ZNF273: variants seen among roughly 807,000 people sequenced by gnomAD.
ZNF273 encodes zinc finger protein 273.
Under a neutral mutation model 14.9 loss-of-function variants are expected in ZNF273, and 11 were observed. That is an observed-to-expected ratio of 0.74 (90% CI 0.46 to 1.22). ZNF273 has a LOEUF of 1.22. Ranked by LOEUF, ZNF273 falls within the 50% of genes most tolerant of loss-of-function variation. The pLI, the probability that ZNF273 is intolerant of heterozygous loss-of-function variation, is 0.00. For synonymous variants in ZNF273, 199 were observed against 223.9 expected (o/e 0.89, Z 0.99); for missense variants, 577 against 660.6 (o/e 0.87, Z 1.39).
At chr7:64,889,623 G>C (rs771637702), downstream of ZNF273, 1 of 985,964 alleles carries the variant, frequency 1.0e-6, no homozygotes, top group Admixed American at 6.2e-5. The surrounding 1 kb of genome is among the most constrained non-coding windows in gnomAD (Gnocchi z 4.2). Flanking sequence ...GGAAAGCAGC[G>C]GGGCTGCTGC....
chr7:64,912,569 T>G (rs1793598224), intron 1 of ZNF273, among the ~76,000 whole-genome samples: 1 of 152,114 alleles, frequency 6.6e-6, no homozygotes, highest in African/African-American at 2.4e-5. Context: ...CTGAATCCAG[T>G]TATCTACTGA....
At chr7:64,918,659 CAAAAAAAAAAAAAAAAAA>C (rs1171857179) in intron 3 of ZNF273, among the ~76,000 whole-genome samples, 3 of 80,042 alleles carry the variant, frequency 3.7e-5, no homozygotes, top group South Asian at 5.7e-4. Context: ...GACTCCATCT[CAAAAAAAAAAAAAAAAAA>C]AAAAAAAAAA....
rs1794859621 is a variant in ZNF273, at chr7:64,928,236, C to T, written c.908C>T (p.Ser303Leu). 1 of 1,613,138 alleles carries T rather than the reference C, an allele frequency of 6.2e-7. No individual in the cohort carries two copies. ...TGTGGCAAAGTCTTTAGTGTATTTT[C>T]AGTCCTTACTAAACATAAGATAATT... The part of the protein sequence containing the change: ...EDCGKVFSVF[S>L]VLTKHKIIHT... Residue 303 changes from serine (S) to leucine (L), a missense_variant, in exon 4 of 4, where the codon TCA (serine) becomes TTA (leucine). Ser to Leu is a moderately radical substitution (Grantham distance 145). Coordinates refer to ENST00000476120, the MANE Select transcript of ZNF273 (RefSeq NM_021148.3).
chr7:64,920,884 GC>G (rs1357821679), intron 3 of ZNF273, among the ~76,000 whole-genome samples: 150 of 138,694 alleles, frequency 1.1e-3, no homozygotes, highest in East Asian at 2.2e-3. Context: ...GAGCCATGAT[GC>G]CTGATTCTCT....
chr7:64,887,797 CT>C lies in ZNF273; in HGVS notation n.274-761del, dbSNP rs779641845. On this transcript the variant is annotated intron_variant and non_coding_transcript_variant, in intron 1 of 1. Transcript: ENST00000471926. ...ACAAGCATGAGCCACCGTGCCCTGT[CT>C]TTTTTTTTTTTTTTCTTAATAGTTC... Among the ~76,000 whole-genome samples, 234 of 143,496 alleles carry C rather than the reference CT, an allele frequency of 1.6e-3. 1 individual carries two copies. The highest frequency in any genetic ancestry group is 4.7e-3 in the South Asian group (21 of 4,506). The allele number at this position is 143,496 out of a possible 152,430, so 94.1% of individuals were successfully genotyped here.
At chr7:64,897,944 G>A (rs571628619) in exon 4 of ZNF273, 2 of 151,250 alleles carry the variant, frequency 1.3e-5, no homozygotes, top group Admixed American at 1.3e-4. Flanking sequence ...AGCCAGGATG[G>A]TCTCGATCTC....
chr7:64,887,646 C>T (rs1049109217), intron 1 of ZNF273, among the ~76,000 whole-genome samples: 17 of 138,758 alleles, frequency 1.2e-4, no homozygotes, highest in Non-Finnish European at 2.0e-4. Flanking sequence ...TACAGGCGCC[C>T]GCCACTACAT....
intron 1 of ZNF273, chr7:64,888,320 G>A (rs1791734094): frequency 1.2e-5 from 12 of 985,378 alleles, no homozygotes; most frequent in Non-Finnish European, 1.4e-5. Flanking sequence ...CGCACAGGCT[G>A]CTCAACACCT....
upstream of ZNF273, among the ~76,000 whole-genome samples, chr7:64,899,666 G>GA (rs953875756): frequency 6.7e-6 from 1 of 149,740 alleles, no homozygotes; most frequent in African/African-American, 2.4e-5. Flanking sequence ...AAAAAAAAAA[G>GA]AAAAAATATT....
At chr7:64,907,170 G>T (rs1043304684) in intron 1 of ZNF273, among the ~76,000 whole-genome samples, 6 of 152,078 alleles carry the variant, frequency 3.9e-5, no homozygotes, top group Non-Finnish European at 8.8e-5. Context: ...TTGTTTGTTT[G>T]TTGTTTGTTT....
chr7:64,931,111 G>A (rs1794982978), downstream of ZNF273: 1 of 152,076 alleles, frequency 6.6e-6, no homozygotes, highest in African/African-American at 2.4e-5. Flanking sequence ...TAAATCTTAA[G>A]TGTAAGAAAA....
At chr7:64,890,358 T>A (rs1791931702), downstream of ZNF273, among the ~76,000 whole-genome samples, 1 of 151,992 alleles carries the variant, frequency 6.6e-6, no homozygotes, top group Non-Finnish European at 1.5e-5. Flanking sequence ...CAAATCCTTG[T>A]GGGTCAAGGA....
chr7:64,902,593 T>C (rs1056457997), upstream of ZNF273, among the ~76,000 whole-genome samples: 15 of 152,208 alleles, frequency 9.9e-5, no homozygotes, highest in Non-Finnish European at 1.8e-4. Flanking sequence ...AGCCAGCTAC[T>C]CTGGAGGCTG....
At chr7:64,903,102 G>C, upstream of ZNF273, 1 of 463,874 alleles carries the variant, frequency 2.2e-6, no homozygotes, top group Non-Finnish European at 3.9e-6. Context: ...TGCAGTTTAG[G>C]TTTCATTCTA....
intron 2 of ZNF273, 137 bp from the exon 3 acceptor site, chr7:64,918,060 G>T: frequency 2.7e-6 from 2 of 743,548 alleles, no homozygotes; most frequent in South Asian, 4.9e-5. Flanking sequence ...TAAATATTTA[G>T]AAATTTACAT....
chr7:64,900,626 G>T (rs540883954), upstream of ZNF273, among the ~76,000 whole-genome samples: 42 of 152,278 alleles, frequency 2.8e-4, 2 homozygotes, highest in South Asian at 8.3e-3. Context: ...CAACATGGCT[G>T]CTGGCCAGGC....
downstream of ZNF273, among the ~76,000 whole-genome samples, chr7:64,891,839 C>T (rs1219239394): frequency 2.0e-5 from 3 of 152,226 alleles, no homozygotes; most frequent in Non-Finnish European, 4.4e-5. Context: ...ACCTTTCAGA[C>T]CCATGTGCAT....
At chr7:64,884,822 G>A (rs1223342638) in intron 1 of ZNF273, among the ~76,000 whole-genome samples, 1 of 152,330 alleles carries the variant, frequency 6.6e-6, no homozygotes, top group African/African-American at 2.4e-5. Context: ...CCTCCAGCGG[G>A]ACCCGACTAA....
Position 64,929,324 on chromosome 7 carries a change from G to T in ZNF273, c.*286G>T. ...TGCAGCAGAGTATTTATTTTGAAGA[G>T]AAACATTAAAAGTACAAAGAGGTTT... On this transcript the variant is annotated 3_prime_UTR_variant, in exon 4 of 4. Transcript: ENST00000476120. 4.9e-6 allele frequency: 1 copy of T among 205,340 alleles called. No homozygotes were observed. Among genetic ancestry groups the T allele is most frequent in the Non-Finnish European group, 9.7e-6 (1 of 102,610 alleles). 12.7% of individuals were successfully genotyped at this position (205,340 alleles called of 1,614,324 possible). A position where few individuals can be genotyped will look rare whatever the true frequency, so the allele number is the denominator to read the frequency against.
Sources: allele counts gnomAD v4.1 joint callset (sites outside exome capture counted in the v4.1 genomes callset), GRCh38; gene constraint gnomAD v4.1.1; non-coding constraint Gnocchi (gnomAD v3.1); transcripts MANE v1.5; gene names NCBI Gene and HGNC (gene_info 2026-07-23, HGNC 2026-07-21).